Variants in TMEM175 observed in about 807,000 individuals in gnomAD.
The protein encoded by TMEM175 is transmembrane protein 175, also known as endosomal/lysosomal proton channel TMEM175.
Under a neutral mutation model 36.5 loss-of-function variants are expected in TMEM175, and 36 were observed. The observed-to-expected ratio is 0.99, with a 90% CI of 0.76 to 1.30. The LOEUF (loss-of-function observed/expected upper bound fraction) is 1.30. Ranked by LOEUF, TMEM175 falls within the 50% of genes most tolerant of loss-of-function variation. The pLI is 0.00. For missense variants in TMEM175, 705 were observed against 692.8 expected, an observed-to-expected ratio of 1.02 and a Z score of -0.20; for synonymous variants, 339 against 313.4, an observed-to-expected ratio of 1.08 and a Z score of -0.86.
In TMEM175 at chr4:958,140, A is replaced by G. The variant is rs1407313550; in HGVS notation, c.1159A>G (p.Ser387Gly). 2 of 1,603,068 alleles carry G rather than the reference A, an allele frequency of 1.2e-6. No individual in the cohort carries two copies. Among genetic ancestry groups the G allele is most frequent in the South Asian group, 2.2e-5 (2 of 91,048 alleles). ...RVSCTIIFLA[S>G]IFQLAMWTTA... ...CAGCTGCACCATCATCTTCCTGGCC[A>G]GCATCTTCCAGCTGGCCATGTGGAC... The change falls in exon 11 of 11, where the codon AGC becomes GGC. Residue 387 changes from serine to glycine, a missense_variant. Physicochemically the swap from Ser to Gly is moderately conservative, Grantham distance 56 (BLOSUM62 0). Coordinates refer to ENST00000264771, the MANE Select transcript of TMEM175 (RefSeq NM_032326.4).
chr4:948,148 A>G lies in TMEM175; in HGVS notation c.186A>G (p.Pro62=), dbSNP rs1302281502. ...CTGTGACCCACACGGAGATCTCCCC[A>G]GAACAGGTAACGGGGCAGGCTGTGC... ...ILPVTHTEIS[P]EQQFDRSVQR... The change falls in exon 3 of 11, where the codon CCA becomes CCG. Residue 62 remains proline, a synonymous_variant. Coordinates refer to ENST00000264771, the MANE Select transcript of TMEM175 (RefSeq NM_032326.4). The G allele has an allele frequency of 6.2e-7, 1 of 1,614,032 alleles. No homozygotes were observed. Among genetic ancestry groups the G allele is most frequent in the Non-Finnish European group, 8.5e-7 (1 of 1,180,046 alleles).
At chr4:951,917 G>A (rs1485628936) in intron 6 of TMEM175, 200 bp downstream of exon 6, 21 of 624,608 alleles carry the variant, frequency 3.4e-5, no homozygotes, top group Admixed American at 1.1e-4. Flanking sequence ...CAGTGGCCCC[G>A]ATGAGGGAGT....
intron 1 of TMEM175, among the ~76,000 whole-genome samples, chr4:941,514 C>T (rs1727501165): frequency 6.6e-6 from 1 of 150,824 alleles, no homozygotes. Context: ...TCTCGGCTCA[C>T]GGCAGCGTCT....
chr4:951,374 TG>T (rs1366659026), intron 5 of TMEM175, 116 bp downstream of exon 5: 1 of 1,223,352 alleles, frequency 8.2e-7, no homozygotes, highest in African/African-American at 1.5e-5. Flanking sequence ...TCTCGGAGCC[TG>T]GAATCTGTCC....
At chr4:936,551 G>A (rs1484637239) in intron 1 of TMEM175, among the ~76,000 whole-genome samples, 3 of 152,134 alleles carry the variant, frequency 2.0e-5, no homozygotes, top group Non-Finnish European at 4.4e-5. Flanking sequence ...ACATCACTAC[G>A]GAAAGGATAA....
Position 951,259 on chromosome 4 carries a change from G to A in TMEM175, c.342+1G>A. ...CGACACACTTGCCCTGCTCAACCTG[G>A]TGAGTATTTTCCGGTCCTTTTCTGG... is the stretch of plus-strand genomic sequence containing the variant. On this transcript the variant is annotated splice_donor_variant, in intron 5 of 10. Coordinates refer to ENST00000264771, the MANE Select transcript of TMEM175 (RefSeq NM_032326.4). LOFTEE classifies it high-confidence loss of function. 1 of 1,614,076 alleles carries A rather than the reference G, an allele frequency of 6.2e-7. No homozygotes were observed. Among genetic ancestry groups the A allele is most frequent in the Non-Finnish European group, 8.5e-7 (1 of 1,179,990 alleles).
chr4:936,338 G>A (rs754256166), intron 1 of TMEM175, among the ~76,000 whole-genome samples: 11 of 149,726 alleles, frequency 7.3e-5, no homozygotes, highest in Non-Finnish European at 1.5e-4. Flanking sequence ...AGAAAAGTAA[G>A]AGGAAATGAA....
chr4:937,312 C>G (rs540414480), intron 1 of TMEM175, among the ~76,000 whole-genome samples: 2 of 152,246 alleles, frequency 1.3e-5, no homozygotes, highest in African/African-American at 4.8e-5. Flanking sequence ...GCCTGTAATC[C>G]CAGCACTTTG....
intron 8 of TMEM175, 66 bp downstream of exon 8, chr4:953,420 G>A (rs865833645): frequency 2.3e-5 from 35 of 1,518,568 alleles, no homozygotes; most frequent in African/African-American, 1.8e-4. Context: ...CAATGTCCCC[G>A]CTGAGCAACA....
chr4:957,829 A>T lies in TMEM175; in HGVS notation c.848A>T (p.Asp283Val). The change falls in exon 11 of 11, where the codon GAC (aspartate) becomes GTC (valine). Residue 283 changes from aspartate (D) to valine (V), a missense_variant. Coordinates refer to ENST00000264771, the MANE Select transcript of TMEM175 (RefSeq NM_032326.4). ...CATCTATTCACTGTTCTCAGCGAAG[A>T]CAACGTCCCGGACCCCAAGGATGTG... ...ATLLILDICE[D>V]NVPDPKDVKE... The T allele has an allele frequency of 6.2e-7, 1 of 1,605,618 alleles. No homozygotes were observed. Among genetic ancestry groups the T allele is most frequent in the East Asian group, 2.2e-5 (1 of 44,760 alleles).
At chr4:938,466 T>C (rs1727059954) in intron 1 of TMEM175, among the ~76,000 whole-genome samples, 1 of 151,982 alleles carries the variant, frequency 6.6e-6, no homozygotes, top group South Asian at 2.1e-4. Context: ...ATCGCACCAC[T>C]GTGCTCCACT....
At chr4:948,384 C>A in intron 3 of TMEM175, 1 of 1,530,596 alleles carries the variant, frequency 6.5e-7, no homozygotes, top group Non-Finnish European at 8.7e-7. Context: ...GGAGACTGGG[C>A]TCCTAGGGCT....
rs373700586 is a variant in TMEM175 at position 957,994 on chromosome 4, C to T, written c.1013C>T (p.Thr338Met). 53 of 1,612,688 alleles carry T rather than the reference C, an allele frequency of 3.3e-5. 2 individuals carry two copies. The highest frequency in any genetic ancestry group is 7.7e-5 in the South Asian group (7 of 91,084). The stretch of plus-strand genomic sequence containing the variant: ...CTCTTCCTGCATGTGCGCAAGGCCA[C>T]GCGGGCCATGGGGCTGCTGAACACG... The part of the protein sequence containing the change: ...HSLFLHVRKA[T>M]RAMGLLNTLS... Residue 338 changes from threonine to methionine, a missense_variant, in exon 11 of 11, where the codon ACG becomes ATG. Physicochemically the swap from Thr to Met is moderately conservative, Grantham distance 81 (BLOSUM62 -1). Coordinates refer to ENST00000264771, the MANE Select transcript of TMEM175 (RefSeq NM_032326.4).
chr4:954,293 C>A (rs780490527), intron 8 of TMEM175, among the ~76,000 whole-genome samples: 1 of 152,212 alleles, frequency 6.6e-6, no homozygotes, highest in Non-Finnish European at 1.5e-5. Context: ...AGCCTATTTT[C>A]TTTTGGATAA....
intron 1 of TMEM175, among the ~76,000 whole-genome samples, chr4:939,083 G>A (rs1384984867): frequency 2.0e-5 from 3 of 152,216 alleles, no homozygotes; most frequent in Non-Finnish European, 4.4e-5. Flanking sequence ...GATCCCTTGA[G>A]CCTGGGAGTT....
chr4:934,156 A>G (rs1418933846), intron 1 of TMEM175, among the ~76,000 whole-genome samples: 1 of 152,230 alleles, frequency 6.6e-6, no homozygotes, highest in East Asian at 1.9e-4. Context: ...AAGGATAGAG[A>G]GCTCAGGAAA....
chr4:951,025 T>TAG (rs928844071), intron 4 of TMEM175, among the ~76,000 whole-genome samples, 182 bp from the exon 5 acceptor site: 1 of 151,828 alleles, frequency 6.6e-6, no homozygotes, highest in African/African-American at 2.4e-5. Context: ...AGCAGGGTGC[T>TAG]TTCTAGGGAA....
intron 1 of TMEM175, among the ~76,000 whole-genome samples, chr4:946,531 C>T (rs537181488): frequency 2.7e-4 from 41 of 152,248 alleles, no homozygotes; most frequent in Admixed American, 2.4e-3. Context: ...CTGGTTGGCA[C>T]GAGGCTGCCC....
At chr4:946,891 G>A (rs547592852) in intron 1 of TMEM175, among the ~76,000 whole-genome samples, 22 of 147,580 alleles carry the variant, frequency 1.5e-4, no homozygotes, top group African/African-American at 5.3e-4. Context: ...GGAGAGCGCG[G>A]CCCCGTAGGA....
Sources: allele counts gnomAD v4.1 joint callset (sites outside exome capture counted in the v4.1 genomes callset), GRCh38; gene constraint gnomAD v4.1.1; transcripts MANE v1.5; gene names NCBI Gene and HGNC (gene_info 2026-07-23, HGNC 2026-07-21).